TMEM164: variants seen among roughly 807,000 people sequenced by gnomAD.
TMEM164 encodes transmembrane protein 164, also known as RP13-360B22.2.
TMEM164 carries 4 observed loss-of-function variants against 18.8 expected under a neutral mutation model. That is an observed-to-expected ratio of 0.21 (90% CI 0.10 to 0.49). The LOEUF (loss-of-function observed/expected upper bound fraction) is 0.49, where lower values mean the gene tolerates loss of function less well. TMEM164 is among the 20% of genes least tolerant of loss of function. The pLI is 0.98. For synonymous variants in TMEM164, 86 were observed against 101.7 expected (o/e 0.85, Z 0.93); for missense variants, 108 against 239.9 (o/e 0.45, Z 3.63).
At position 110,024,087 on chromosome X, in the gene TMEM164, T is replaced by C. The variant is rs193016490; in HGVS notation, c.390+19923T>C. The stretch of plus-strand genomic sequence containing the variant: ...GCTACTTCCTGGTAGAATGGAAAAA[T>C]TGTAGAATTGGATGAAGGACACAAT... On this transcript the variant is annotated intron_variant, in intron 2 of 6. Transcript: ENST00000372068. Among the ~76,000 whole-genome samples the C allele has an allele frequency of 4.2e-3, 467 of 111,941 alleles. 1 individual carries two copies. Among genetic ancestry groups the C allele is most frequent in the African/African-American group, 0.014 (429 of 30,763 alleles).
chrX:110,140,933 G>A (rs2066760348), intron 4 of TMEM164, among the ~76,000 whole-genome samples: 2 of 111,384 alleles, frequency 1.8e-5, no homozygotes, highest in Non-Finnish European at 3.8e-5. Flanking sequence ...GGTCAGGGGA[G>A]GCTCGCTGAG....
intron 4 of TMEM164, among the ~76,000 whole-genome samples, chrX:110,140,663 G>GATTCAAAAACATTGATTCTCACAA (rs2066756932): frequency 1.8e-5 from 2 of 112,322 alleles, no homozygotes. Context: ...TTCTAAAAAG[G>GATTCAAAAACATTGATTCTCACAA]ATGTTGACTT....
intron 4 of TMEM164, among the ~76,000 whole-genome samples, chrX:110,111,306 A>G (rs1333086073): frequency 2.7e-5 from 3 of 112,838 alleles, no homozygotes; most frequent in African/African-American, 9.7e-5. Context: ...TGAATTTCCC[A>G]TACCACAGCA....
intron 3 of TMEM164, among the ~76,000 whole-genome samples, chrX:110,076,721 T>C (rs747401549): frequency 8.9e-6 from 1 of 112,341 alleles, no homozygotes; most frequent in South Asian, 3.7e-4. Flanking sequence ...AATTGTATGG[T>C]TTATCCCAAA....
At chrX:110,142,270 A>C (rs768091211) in intron 4 of TMEM164, among the ~76,000 whole-genome samples, 42 of 112,218 alleles carry the variant, frequency 3.7e-4, no homozygotes, top group African/African-American at 1.3e-3. Flanking sequence ...GGGACGAGTG[A>C]GGACATGTGC....
At chrX:110,035,830 T>C (rs990198543) in intron 2 of TMEM164, among the ~76,000 whole-genome samples, 2 of 110,808 alleles carry the variant, frequency 1.8e-5, no homozygotes, top group Non-Finnish European at 3.8e-5. Context: ...GTACAAATCT[T>C]TGTGTTTCAC....
chrX:110,009,970 G>A (rs1932924880), intron 2 of TMEM164, among the ~76,000 whole-genome samples: 1 of 108,535 alleles, frequency 9.2e-6, no homozygotes, highest in African/African-American at 3.4e-5. Context: ...TCCAGCCTGG[G>A]TGACAGAGCA....
At chrX:110,026,779 G>A (rs60520874) in intron 2 of TMEM164, among the ~76,000 whole-genome samples, 1 of 111,637 alleles carries the variant, frequency 9.0e-6, no homozygotes, top group Non-Finnish European at 1.9e-5. Flanking sequence ...CCAACTGCTT[G>A]GTTGAGTCTC....
At chrX:110,044,345 A>C (rs1935220123) in intron 2 of TMEM164, among the ~76,000 whole-genome samples, 1 of 112,299 alleles carries the variant, frequency 8.9e-6, no homozygotes, top group African/African-American at 3.2e-5. Context: ...CAGGAAATAC[A>C]ACCTTTTAAT....
intron 4 of TMEM164, among the ~76,000 whole-genome samples, chrX:110,112,138 T>C (rs755692375): frequency 9.1e-6 from 1 of 110,480 alleles, no homozygotes; most frequent in Non-Finnish European, 1.9e-5. Flanking sequence ...GGTCAGGAGA[T>C]TGAGGGCAGC....
intron 3 of TMEM164, among the ~76,000 whole-genome samples, chrX:110,084,349 C>CTATACTATAGTATATATATATAG (rs2065802102): frequency 3.1e-5 from 1 of 32,473 alleles, no homozygotes; most frequent in Non-Finnish European, 4.5e-5. Context: ...ACTAAAAATA[C>CTATACTATAGTATATATATATAG]TATATATATA....
At chrX:110,143,000 A>C (rs2066792469) in intron 4 of TMEM164, among the ~76,000 whole-genome samples, 1 of 112,465 alleles carries the variant, frequency 8.9e-6, no homozygotes, top group African/African-American at 3.2e-5. Flanking sequence ...TAGTGGCTGC[A>C]TGCCCTTGGC....
chrX:110,084,555 C>T (rs1190014071), intron 3 of TMEM164, among the ~76,000 whole-genome samples: 7 of 98,684 alleles, frequency 7.1e-5, no homozygotes, highest in Non-Finnish European at 1.4e-4. Flanking sequence ...GGAGGAGAAT[C>T]GCTTGAACCC....
At chrX:110,106,573 C>A (rs1330785621) in intron 3 of TMEM164, among the ~76,000 whole-genome samples, 5 of 110,939 alleles carry the variant, frequency 4.5e-5, no homozygotes. Context: ...GGGGTTTCGC[C>A]ATGTTGGCCA....
chrX:110,022,199 A>ATGTGTGTGTGTGTGTGTGTGTGTGTGTG (rs754713777), intron 2 of TMEM164, among the ~76,000 whole-genome samples: 53 of 107,615 alleles, frequency 4.9e-4, no homozygotes, highest in African/African-American at 1.6e-3. Context: ...ACCACTAGAA[A>ATGTGTGTGTGTGTGTGTGTGTGTGTGTG]TGTGTGTGTG....
chrX:110,043,640 T>G (rs1187103768), intron 2 of TMEM164, among the ~76,000 whole-genome samples: 1 of 111,682 alleles, frequency 9.0e-6, no homozygotes, highest in Admixed American at 9.4e-5. Context: ...ATCAAAGAAC[T>G]GTAAGGGGTT....
chrX:110,038,033 C>T (rs1444709347), intron 2 of TMEM164, among the ~76,000 whole-genome samples: 1 of 99,325 alleles, frequency 1.0e-5, no homozygotes, highest in African/African-American at 3.8e-5. Context: ...CTCTGTCGCC[C>T]AGGCTGGAGT....
chrX:110,120,994 G>A (rs1204578911), intron 4 of TMEM164, among the ~76,000 whole-genome samples: 1 of 112,016 alleles, frequency 8.9e-6, no homozygotes, highest in Non-Finnish European at 1.9e-5. Flanking sequence ...ACCATATTAA[G>A]TATCAGTTTC....
chrX:110,069,015 G>A (rs2065543836), intron 3 of TMEM164, among the ~76,000 whole-genome samples: 1 of 111,375 alleles, frequency 9.0e-6, no homozygotes, highest in South Asian at 3.7e-4. Flanking sequence ...AATATTCCAT[G>A]AATGCACAAT....
Sources: gnomAD v4.1 joint callset for allele counts (sites outside exome capture counted in the v4.1 genomes callset) on GRCh38, gnomAD v4.1.1 for gene constraint, MANE v1.5 for transcripts, NCBI Gene and HGNC (gene_info 2026-07-23, HGNC 2026-07-21) for gene names.